FRS2: variants seen among roughly 807,000 people sequenced by gnomAD.
FRS2 encodes FGFR signalling adaptor.
Under a neutral mutation model 43.9 loss-of-function variants are expected in FRS2, and 8 were observed. The ratio of observed to expected loss-of-function variants is 0.18; its 90% CI spans 0.11 to 0.33. The LOEUF (loss-of-function observed/expected upper bound fraction) is 0.33. FRS2 is among the 10% of genes least tolerant of loss of function. The probability of loss-of-function intolerance (pLI) is 1.00; values close to 1 mark genes in which losing one functional copy is unlikely to be tolerated. For missense variants in FRS2, 534 were observed against 627.6 expected (o/e 0.85, Z 1.59); for synonymous variants, 219 against 220.3 (o/e 0.99, Z 0.05).
chr12:69,560,588 C>T (rs2135773571), intron 3 of FRS2, among the ~76,000 whole-genome samples: 1 of 152,218 alleles, frequency 6.6e-6, no homozygotes, highest in East Asian at 1.9e-4. Context: ...CCTTTTAAGC[C>T]TTGGTTTCCT....
intron 1 of FRS2, among the ~76,000 whole-genome samples, chr12:69,501,017 C>T (rs1435990113): frequency 6.6e-6 from 1 of 152,000 alleles, no homozygotes; most frequent in Non-Finnish European, 1.5e-5. Flanking sequence ...CATAATAGTA[C>T]TTTGTTGTTT....
At chr12:69,572,372 G>A (rs1880841275) in intron 8 of FRS2, 91 bp downstream of exon 8, 1 of 997,042 alleles carries the variant, frequency 1.0e-6, no homozygotes, top group Non-Finnish European at 1.5e-6. Flanking sequence ...TCAGCTTGAA[G>A]TTTAACTTTA....
At chr12:69,560,831 A>C (rs796932524) in intron 3 of FRS2, among the ~76,000 whole-genome samples, 34 of 152,318 alleles carry the variant, frequency 2.2e-4, no homozygotes, top group African/African-American at 8.2e-4. Context: ...TAAGAGCTTA[A>C]TGAGTTGGTA....
chr12:69,515,561 G>T (rs115595290), intron 1 of FRS2, among the ~76,000 whole-genome samples: 1 of 151,848 alleles, frequency 6.6e-6, no homozygotes, highest in African/African-American at 2.4e-5. Flanking sequence ...AACATCCCTC[G>T]CGCTCTCTTG....
intron 3 of FRS2, among the ~76,000 whole-genome samples, chr12:69,537,359 C>T (rs1341468980): frequency 6.6e-6 from 1 of 151,770 alleles, no homozygotes; most frequent in East Asian, 1.9e-4. Flanking sequence ...ACCTGAGGTA[C>T]GTTCTTTAGA....
At chr12:69,486,163 G>A (rs1415045284) in intron 1 of FRS2, 2 of 145,564 alleles carry the variant, frequency 1.4e-5, no homozygotes, top group Non-Finnish European at 3.0e-5. Context: ...TCATTTTTTT[G>A]TGTTTTGCAG....
At chr12:69,535,357 TG>T (rs1254273991) in intron 3 of FRS2, among the ~76,000 whole-genome samples, 3 of 152,188 alleles carry the variant, frequency 2.0e-5, no homozygotes, top group Non-Finnish European at 4.4e-5. Context: ...TATCCTTTTT[TG>T]TTAATCCCTA....
intron 2 of FRS2, among the ~76,000 whole-genome samples, chr12:69,531,178 A>G (rs1405796393): frequency 6.6e-6 from 1 of 152,016 alleles, no homozygotes; most frequent in African/African-American, 2.4e-5. Context: ...AAAAATATAA[A>G]AATTAGCCAG....
chr12:69,474,801 T>TAA (rs1190754753), intron 1 of FRS2, among the ~76,000 whole-genome samples: 2 of 152,202 alleles, frequency 1.3e-5, no homozygotes, highest in African/African-American at 2.4e-5. Flanking sequence ...TTCACTTATT[T>TAA]ATGTGTATGA....
intron 1 of FRS2, among the ~76,000 whole-genome samples, chr12:69,507,596 G>A (rs1238159899): frequency 6.6e-6 from 1 of 152,128 alleles, no homozygotes; most frequent in Admixed American, 6.5e-5. Flanking sequence ...CTGTGATGTA[G>A]TTTTAATCTC....
At chr12:69,502,645 C>G (rs1268829306) in intron 1 of FRS2, among the ~76,000 whole-genome samples, 2 of 152,274 alleles carry the variant, frequency 1.3e-5, no homozygotes, top group South Asian at 2.1e-4. Context: ...GACATAATCT[C>G]TGTACGGATG....
At chr12:69,535,408 G>A (rs1257421836) in intron 3 of FRS2, among the ~76,000 whole-genome samples, 1 of 152,038 alleles carries the variant, frequency 6.6e-6, no homozygotes, top group Non-Finnish European at 1.5e-5. Flanking sequence ...TAAATGTGAT[G>A]TATTTAAGAT....
intron 4 of FRS2, among the ~76,000 whole-genome samples, chr12:69,562,761 C>G (rs1171741194): frequency 1.6e-4 from 25 of 152,070 alleles, no homozygotes; most frequent in Admixed American, 1.6e-3. Flanking sequence ...CATATCATAG[C>G]TCACTGCAGC....
At chr12:69,531,887 A>G (rs1876836914) in intron 2 of FRS2, 127 bp from the exon 3 acceptor site, 1 of 152,622 alleles carries the variant, frequency 6.6e-6, no homozygotes, top group African/African-American at 2.4e-5. Context: ...CTGTCTCTCA[A>G]GCTTTCGTAA....
At chr12:69,485,105 A>ACACACACGCG (rs1555183219) in intron 1 of FRS2, among the ~76,000 whole-genome samples, 2 of 146,290 alleles carry the variant, frequency 1.4e-5, no homozygotes, top group Non-Finnish European at 3.0e-5. Context: ...ACACACACAC[A>ACACACACGCG]CACACACACA....
At chr12:69,481,600 G>A (rs953836766) in intron 1 of FRS2, among the ~76,000 whole-genome samples, 2 of 152,084 alleles carry the variant, frequency 1.3e-5, no homozygotes, top group African/African-American at 4.8e-5. Context: ...GAAATTTAAC[G>A]TTGATACGGT....
intron 1 of FRS2, among the ~76,000 whole-genome samples, chr12:69,521,192 T>C (rs1875606796): frequency 6.6e-6 from 1 of 152,208 alleles, no homozygotes; most frequent in Admixed American, 6.5e-5. Flanking sequence ...ATTCCTGATT[T>C]GGCTCTTAGC....
intron 1 of FRS2, among the ~76,000 whole-genome samples, chr12:69,493,973 C>T (rs1872676427): frequency 6.6e-6 from 1 of 152,188 alleles, no homozygotes; most frequent in Non-Finnish European, 1.5e-5. Flanking sequence ...ACCCATCAAT[C>T]CATGAGCTTT....
chr12:69,512,468 G>C (rs78721695), intron 1 of FRS2, among the ~76,000 whole-genome samples: 1 of 152,244 alleles, frequency 6.6e-6, no homozygotes, highest in East Asian at 1.9e-4. Context: ...TGAGTAGAAA[G>C]CTCACACTAC....
Sources: allele counts gnomAD v4.1 joint callset (sites outside exome capture counted in the v4.1 genomes callset), GRCh38; gene constraint gnomAD v4.1.1; transcripts MANE v1.5; gene names NCBI Gene and HGNC (gene_info 2026-07-23, HGNC 2026-07-21).